Variants in GLIPR1L2 observed in about 807,000 individuals in gnomAD.
GLIPR1L2 encodes GLIPR1 like 2, also known as GLIPR1-like protein 2.
A neutral mutation model predicts 28.4 loss-of-function variants in GLIPR1L2; 21 were observed. The ratio of observed to expected loss-of-function variants is 0.74; its 90% CI spans 0.52 to 1.06. GLIPR1L2 has a LOEUF of 1.06. Ranked by LOEUF, GLIPR1L2 falls within the 50% of genes least tolerant of loss-of-function variation. The pLI, the probability that GLIPR1L2 is intolerant of heterozygous loss-of-function variation, is 0.00. For missense variants in GLIPR1L2, 476 were observed against 416.9 expected, an observed-to-expected ratio of 1.14 and a Z score of -1.23; for synonymous variants, 145 against 139.3, an observed-to-expected ratio of 1.04 and a Z score of -0.29.
intron 1 of GLIPR1L2, among the ~76,000 whole-genome samples, chr12:75,407,845 G>A (rs984364222): frequency 1.3e-5 from 2 of 151,966 alleles, no homozygotes; most frequent in African/African-American, 4.8e-5. Context: ...TCTTGAACAA[G>A]CTATAATATC....
Position 75,407,901 on chromosome 12 carries a change from G to A in GLIPR1L2, c.235-2533G>A, listed in dbSNP as rs190231860. 3.4e-3 allele frequency among the ~76,000 whole-genome samples: 517 copies of A among 152,134 alleles called. 7 individuals are homozygous for A. The highest frequency in any genetic ancestry group is 4.5e-3 in the Non-Finnish European group (309 of 67,960). ...TAATCACTTAAAATCATTGACACAT[G>A]TATGAGAGTTTATGATTATACCTTC... On this transcript the variant is annotated intron_variant, in intron 1 of 5. Coordinates refer to ENST00000550916, the MANE Select transcript of GLIPR1L2 (RefSeq NM_001270396.2).
At chr12:75,407,438 A>G (rs1219119435) in intron 1 of GLIPR1L2, among the ~76,000 whole-genome samples, 3 of 152,150 alleles carry the variant, frequency 2.0e-5, no homozygotes, top group African/African-American at 7.2e-5. Context: ...CAAAGTTCCT[A>G]AATCTTACAA....
intron 1 of GLIPR1L2, among the ~76,000 whole-genome samples, chr12:75,396,978 T>A (rs12811343): frequency 0.18 from 26,637 of 152,190 alleles, 2,572 homozygotes; most frequent in Admixed American, 0.24. Flanking sequence ...TTAATCTCTG[T>A]ATCCATGTCC....
At chr12:75,415,691 T>C (rs2045916691) in intron 3 of GLIPR1L2, among the ~76,000 whole-genome samples, 1 of 152,232 alleles carries the variant, frequency 6.6e-6, no homozygotes, top group Middle Eastern at 3.4e-3. Flanking sequence ...GGGACTCTTG[T>C]CCTTGTTTTC....
At chr12:75,417,457 A>G (rs1285950589) in intron 3 of GLIPR1L2, among the ~76,000 whole-genome samples, 1 of 152,170 alleles carries the variant, frequency 6.6e-6, no homozygotes, top group Non-Finnish European at 1.5e-5. Flanking sequence ...TAGCCACCGA[A>G]TTTGTGGTAA....
At chr12:75,407,764 T>C (rs555251665) in intron 1 of GLIPR1L2, among the ~76,000 whole-genome samples, 59 of 152,152 alleles carry the variant, frequency 3.9e-4, no homozygotes, top group Non-Finnish European at 4.0e-4. Flanking sequence ...AAGACCTAGT[T>C]TTTGCATTTA....
At position 75,398,046 on chromosome 12, in the gene GLIPR1L2, A is replaced by G. The variant is rs918887384; in HGVS notation, c.234+6696A>G. On this transcript the variant is annotated intron_variant, in intron 1 of 5. Transcript: ENST00000550916. ...TGTGGATTTAAAAAAAAAAAAAAAA[A>G]AATGCCGGGAGCGGTGGCTCACGCC... Among the ~76,000 whole-genome samples, 23 of 151,494 alleles carry G rather than the reference A, an allele frequency of 1.5e-4. No individual in the cohort carries two copies. The East Asian group carries it at 4.1e-3, about 27-fold the overall frequency.
intron 1 of GLIPR1L2, among the ~76,000 whole-genome samples, chr12:75,409,700 GAT>G (rs1262717429): frequency 5.0e-5 from 7 of 139,976 alleles, no homozygotes; most frequent in South Asian, 2.2e-4. Flanking sequence ...TATCTAATCC[GAT>G]ATATATATAA....
chr12:75,409,327 A>G (rs2045837111), intron 1 of GLIPR1L2, among the ~76,000 whole-genome samples: 1 of 151,816 alleles, frequency 6.6e-6, no homozygotes, highest in Non-Finnish European at 1.5e-5. Context: ...TGGTTTCACC[A>G]CTATTTTGTT....
At chr12:75,413,460 G>T in intron 2 of GLIPR1L2, 138 bp from the exon 3 acceptor site, 1 of 532,782 alleles carries the variant, frequency 1.9e-6, no homozygotes, top group Non-Finnish European at 3.3e-6. Flanking sequence ...CTCTCTACAT[G>T]TCTCTAAATG....
intron 2 of GLIPR1L2, 25 bp downstream of exon 2, chr12:75,410,704 A>T: frequency 6.6e-7 from 1 of 1,510,172 alleles, no homozygotes; most frequent in African/African-American, 1.4e-5. Flanking sequence ...TTTTGTTATT[A>T]ATTCAAACAC....
At chr12:75,416,847 C>A (rs1217655698) in intron 3 of GLIPR1L2, among the ~76,000 whole-genome samples, 2 of 152,016 alleles carry the variant, frequency 1.3e-5, no homozygotes, top group East Asian at 3.9e-4. Flanking sequence ...CTTGAAGGAT[C>A]TAGATTGGAA....
Position 75,430,871 on chromosome 12 carries a change from T to C in GLIPR1L2, c.745T>C (p.Cys249Arg). The C allele has an allele frequency of 6.5e-7, 1 of 1,535,734 alleles. No individual in the cohort carries two copies. Among genetic ancestry groups the C allele is most frequent in the Non-Finnish European group, 8.7e-7 (1 of 1,146,560 alleles). The change falls in exon 6 of 6, where the codon TGT becomes CGT. Residue 249 changes from cysteine (C) to arginine (R), a missense_variant. Physicochemically the swap from Cys to Arg is radical, Grantham distance 180. Transcript: ENST00000550916. Reference protein sequence around the residue: ...PKWEMPRPVVCDPLCTFILLL... With the variant: ...PKWEMPRPVVRDPLCTFILLL... ...ATGGGAAATGCCCCGGCCAGTTGTGTGTGATCCACTGTGCACATTCATTTT... is the reference window on the plus strand; with the variant it reads ...ATGGGAAATGCCCCGGCCAGTTGTGCGTGATCCACTGTGCACATTCATTTT...
At chr12:75,421,549 G>T (rs972027508) in intron 3 of GLIPR1L2, among the ~76,000 whole-genome samples, 1 of 152,068 alleles carries the variant, frequency 6.6e-6, no homozygotes, top group Non-Finnish European at 1.5e-5. Context: ...AGGTAAATAG[G>T]CAATACTGAT....
At chr12:75,399,481 T>C (rs1042638131) in intron 1 of GLIPR1L2, among the ~76,000 whole-genome samples, 1 of 152,238 alleles carries the variant, frequency 6.6e-6, no homozygotes, top group Non-Finnish European at 1.5e-5. Flanking sequence ...ACTAGCCTGA[T>C]AGGTAAAATA....
At chr12:75,423,075 A>G in intron 4 of GLIPR1L2, 86 bp downstream of exon 4, 1 of 1,600,356 alleles carries the variant, frequency 6.2e-7, no homozygotes, top group Non-Finnish European at 8.5e-7. Context: ...TTTTATGGTC[A>G]TGTTAATATT....
intron 3 of GLIPR1L2, among the ~76,000 whole-genome samples, chr12:75,418,909 A>G (rs955906038): frequency 1.3e-5 from 2 of 152,160 alleles, no homozygotes; most frequent in Admixed American, 6.6e-5. Flanking sequence ...AAACTAACAC[A>G]AGAACAGAAA....
intron 1 of GLIPR1L2, among the ~76,000 whole-genome samples, chr12:75,401,888 T>G (rs1418332800): frequency 6.6e-6 from 1 of 151,890 alleles, no homozygotes; most frequent in East Asian, 1.9e-4. Flanking sequence ...TGACAATAAA[T>G]GAACTAAAAA....
chr12:75,401,908 A>C (rs2045745842), intron 1 of GLIPR1L2, among the ~76,000 whole-genome samples: 1 of 152,166 alleles, frequency 6.6e-6, no homozygotes, highest in Admixed American at 6.5e-5. Flanking sequence ...AATTCAAAGA[A>C]AAGAAACAAA....
Sources: gnomAD v4.1 joint callset for allele counts (sites outside exome capture counted in the v4.1 genomes callset) on GRCh38, gnomAD v4.1.1 for gene constraint, MANE v1.5 for transcripts, NCBI Gene and HGNC (gene_info 2026-07-23, HGNC 2026-07-21) for gene names.